NAALADL2: variants seen among roughly 807,000 people sequenced by gnomAD.
The protein encoded by NAALADL2 is inactive N-acetylated-alpha-linked acidic dipeptidase-like protein 2.
In NAALADL2, 76 loss-of-function variants were observed where a neutral mutation model predicts 87.2. The observed-to-expected ratio is 0.87, with a 90% confidence interval of 0.72 to 1.05. The LOEUF is 1.05. Ranked by LOEUF, NAALADL2 falls within the 50% of genes least tolerant of loss-of-function variation. The pLI is 0.00. For missense variants in NAALADL2, 1,089 were observed against 945.8 expected, an observed-to-expected ratio of 1.15 and a Z score of -1.99; for synonymous variants, 354 against 331.0, an observed-to-expected ratio of 1.07 and a Z score of -0.75.
intron 1 of NAALADL2, among the ~76,000 whole-genome samples, chr3:175,025,908 C>T (rs1238187772): frequency 6.6e-6 from 1 of 152,116 alleles, no homozygotes; most frequent in Non-Finnish European, 1.5e-5. Flanking sequence ...CTCTCAGGCT[C>T]AAGTGATTCG....
intron 10 of NAALADL2, among the ~76,000 whole-genome samples, chr3:175,577,020 G>A (rs954258377): frequency 6.6e-6 from 1 of 152,072 alleles, no homozygotes; most frequent in Non-Finnish European, 1.5e-5. Context: ...ATTTTTAATA[G>A]CATTGAGTAA....
intron 9 of NAALADL2, among the ~76,000 whole-genome samples, chr3:175,540,539 A>T (rs1582316377): frequency 1.3e-5 from 2 of 151,324 alleles, no homozygotes; most frequent in Non-Finnish European, 3.0e-5. Context: ...GATGTAGTTT[A>T]TTTTTTTTTA....
intron 2 of NAALADL2, among the ~76,000 whole-genome samples, chr3:175,181,411 T>A (rs997050748): frequency 6.6e-6 from 1 of 151,802 alleles, no homozygotes; most frequent in African/African-American, 2.4e-5. Flanking sequence ...CTCAAATGCT[T>A]ATCATTTATT....
rs1479920144 is a variant in NAALADL2 at position 175,791,234 on chromosome 3, A to T, written c.2190-11771A>T. 3.3e-5 allele frequency among the ~76,000 whole-genome samples: 5 copies of T among 152,362 alleles called. No individual in the cohort carries two copies. The South Asian group carries it at 1.0e-3, about 32-fold the overall frequency. On this transcript the variant is annotated intron_variant, in intron 13 of 13. Transcript: ENST00000454872. Reference sequence around the variant, plus strand: ...GAATCCTGTGGAAATACACTTTTCTATTACCAGTGTAGTGGATATTGCTCT... The same window carrying T: ...GAATCCTGTGGAAATACACTTTTCTTTTACCAGTGTAGTGGATATTGCTCT...
At position 175,703,340 on chromosome 3, in the gene NAALADL2, T is replaced by C. The variant is rs538716705; in HGVS notation, c.1897-33966T>C. Among the ~76,000 whole-genome samples the C allele has an allele frequency of 4.7e-4, 72 of 152,282 alleles. 1 individual carries two copies. Among genetic ancestry groups the C allele is most frequent in the African/African-American group, 1.7e-3 (69 of 41,568 alleles). ...TGTCTAGGGATTCCCCAAGGTGCTA[T>C]AAGTCTGACAAATTTGGCATTTTTT... On this transcript the variant is annotated intron_variant, in intron 11 of 13. Transcript: ENST00000454872.
intron 13 of NAALADL2, among the ~76,000 whole-genome samples, chr3:175,786,380 C>G (rs1356656057): frequency 1.3e-5 from 2 of 152,220 alleles, no homozygotes; most frequent in Non-Finnish European, 2.9e-5. Context: ...TCCCATACTT[C>G]TTGGAGGCTT....
chr3:175,111,558 A>G (rs975278612), intron 2 of NAALADL2, among the ~76,000 whole-genome samples: 1 of 151,748 alleles, frequency 6.6e-6, no homozygotes, highest in African/African-American at 2.4e-5. Context: ...ATAGCTACTG[A>G]CATAATTTTT....
At chr3:174,593,523 A>C (rs1717591503) in intron 2 of NAALADL2, among the ~76,000 whole-genome samples, 1 of 152,022 alleles carries the variant, frequency 6.6e-6, no homozygotes, top group South Asian at 2.1e-4. Context: ...TTCAGAACCT[A>C]CTCTCTTAAC....
At chr3:174,664,323 A>G (rs1327371069) in intron 2 of NAALADL2, among the ~76,000 whole-genome samples, 1 of 152,230 alleles carries the variant, frequency 6.6e-6, no homozygotes, top group African/African-American at 2.4e-5. Flanking sequence ...TCTTTTAGCG[A>G]TCGGACATAT....
chr3:175,380,323 T>C (rs1297134972), intron 5 of NAALADL2, among the ~76,000 whole-genome samples: 1 of 152,184 alleles, frequency 6.6e-6, no homozygotes. Context: ...TTTGAAAGAA[T>C]GTCTGTGTGT....
chr3:175,473,984 G>A (rs370435065), intron 9 of NAALADL2, among the ~76,000 whole-genome samples: 1 of 152,274 alleles, frequency 6.6e-6, no homozygotes, highest in East Asian at 1.9e-4. Flanking sequence ...TCTCCATACT[G>A]TTTTCCCTAG....
intron 5 of NAALADL2, among the ~76,000 whole-genome samples, chr3:175,345,993 G>C (rs1763117319): frequency 6.6e-6 from 1 of 152,114 alleles, no homozygotes; most frequent in South Asian, 2.1e-4. Flanking sequence ...TGGCAAATTT[G>C]TTCTTCCAAT....
At chr3:175,258,063 C>G (rs1750318384) in intron 4 of NAALADL2, among the ~76,000 whole-genome samples, 1 of 152,094 alleles carries the variant, frequency 6.6e-6, no homozygotes, top group East Asian at 1.9e-4. Flanking sequence ...AATCCCAGCA[C>G]TTCTGGAGGC....
chr3:175,667,208 AAAG>A (rs1733193863), intron 11 of NAALADL2, among the ~76,000 whole-genome samples: 1 of 121,530 alleles, frequency 8.2e-6, no homozygotes, highest in South Asian at 2.4e-4. Flanking sequence ...AGAAAGAAAG[AAAG>A]AAAGAAAGAA....
At chr3:174,961,820 A>C (rs972889152) in intron 1 of NAALADL2, among the ~76,000 whole-genome samples, 7 of 152,056 alleles carry the variant, frequency 4.6e-5, no homozygotes, top group African/African-American at 1.7e-4. Flanking sequence ...AACATTTGTT[A>C]TGAGACAGAC....
At chr3:174,894,340 C>T (rs1227019412) in intron 1 of NAALADL2, among the ~76,000 whole-genome samples, 1 of 151,986 alleles carries the variant, frequency 6.6e-6, no homozygotes, top group Admixed American at 6.6e-5. Context: ...CCTGTAATCC[C>T]AGCATTTTGG....
At chr3:174,779,497 T>C (rs977198496) in intron 3 of NAALADL2, among the ~76,000 whole-genome samples, 1 of 152,232 alleles carries the variant, frequency 6.6e-6, no homozygotes. Flanking sequence ...CATTTGTCAA[T>C]TTTGGCTTTT....
At chr3:174,996,421 G>A (rs542601543) in intron 1 of NAALADL2, among the ~76,000 whole-genome samples, 7 of 151,886 alleles carry the variant, frequency 4.6e-5, no homozygotes, top group African/African-American at 1.7e-4. Context: ...GGCATGAACT[G>A]GGGAGGCTGA....
chr3:175,127,127 C>T (rs191469829), intron 2 of NAALADL2, among the ~76,000 whole-genome samples: 6 of 152,070 alleles, frequency 3.9e-5, no homozygotes, highest in East Asian at 3.9e-4. Context: ...TCTGGGACAC[C>T]GTTCACAGGA....
Sources: gnomAD v4.1 joint callset for allele counts (sites outside exome capture counted in the v4.1 genomes callset) on GRCh38, gnomAD v4.1.1 for gene constraint, MANE v1.5 for transcripts, NCBI Gene and HGNC (gene_info 2026-07-23, HGNC 2026-07-21) for gene names.